HYDIN: variants seen among roughly 807,000 people sequenced by gnomAD.
HYDIN encodes axonemal central pair apparatus protein HYDIN.
In HYDIN, 132 loss-of-function variants were observed where a neutral mutation model predicts 403.9. The observed-to-expected ratio is 0.33, with a 90% CI of 0.28 to 0.38. The LOEUF (loss-of-function observed/expected upper bound fraction) is 0.38. HYDIN is among the 10% of genes least tolerant of loss of function. HYDIN has a pLI of 1.00. For missense variants in HYDIN, 2,827 were observed against 5,009.5 expected (o/e 0.56, Z 13.15); for synonymous variants, 1,202 against 1,891.7 (o/e 0.64, Z 9.46).
intron 20 of HYDIN, among the ~76,000 whole-genome samples, chr16:71,026,827 T>C (rs1287380439): frequency 1.3e-5 from 2 of 152,118 alleles, no homozygotes; most frequent in African/African-American, 2.4e-5. Context: ...GGAGACAAAG[T>C]TCTTTTTGCT....
chr16:70,818,325 C>T lies in HYDIN; in HGVS notation c.14658+17G>A, dbSNP rs769680675. The T allele has an allele frequency of 5.2e-5, 83 of 1,592,004 alleles. No homozygotes were observed. The highest frequency in any genetic ancestry group is 7.0e-5 in the Non-Finnish European group (81 of 1,164,174). On this transcript the variant is annotated intron_variant, in intron 84 of 85. Coordinates refer to ENST00000393567, the MANE Select transcript of HYDIN (RefSeq NM_001270974.2). ...CTCACAGCTCTCAGGGAGCCCCCGA[C>T]AGCCAAGGGGCCGTACCTCGGAGTT...
intron 84 of HYDIN, chr16:70,811,163 G>A (rs1214503183): frequency 1.3e-5 from 2 of 152,124 alleles, no homozygotes; most frequent in Admixed American, 6.5e-5. Flanking sequence ...GGGCTCAGTG[G>A]CTCACACCTG....
At chr16:70,883,101 G>A (rs1237499488) in intron 59 of HYDIN, among the ~76,000 whole-genome samples, 2 of 152,370 alleles carry the variant, frequency 1.3e-5, no homozygotes, top group South Asian at 2.1e-4. Flanking sequence ...ACTCCAGTGA[G>A]CATTTTTCTC....
At chr16:71,224,794 C>G (rs2040961095) in intron 1 of HYDIN, among the ~76,000 whole-genome samples, 1 of 151,916 alleles carries the variant, frequency 6.6e-6, no homozygotes, top group African/African-American at 2.4e-5. Flanking sequence ...ATCTCCTGAC[C>G]TCGTGATCCG....
chr16:71,084,831 C>T (rs1392497359), intron 12 of HYDIN, among the ~76,000 whole-genome samples: 2 of 149,746 alleles, frequency 1.3e-5, no homozygotes, highest in African/African-American at 5.0e-5. Context: ...TTGGTAAATG[C>T]TTTTTCTGTG....
At chr16:71,060,279 C>T (rs1197778574) in intron 18 of HYDIN, among the ~76,000 whole-genome samples, 2 of 152,120 alleles carry the variant, frequency 1.3e-5, no homozygotes, top group African/African-American at 4.8e-5. Context: ...ATAGACATCC[C>T]TTGAGCTAAG....
At chr16:70,913,202 T>C (rs577025249) in intron 47 of HYDIN, among the ~76,000 whole-genome samples, 1 of 151,964 alleles carries the variant, frequency 6.6e-6, no homozygotes, top group South Asian at 2.1e-4. Flanking sequence ...TTCTTGTTTC[T>C]CTAGTTCCTT....
At chr16:70,987,583 GA>G (rs1428155500) in intron 27 of HYDIN, among the ~76,000 whole-genome samples, 1 of 141,994 alleles carries the variant, frequency 7.0e-6, no homozygotes, top group African/African-American at 2.6e-5. Flanking sequence ...GTGGAGAGGT[GA>G]AGGAGAGAGT....
At chr16:70,923,829 A>G (rs1370853283) in intron 45 of HYDIN, among the ~76,000 whole-genome samples, 1 of 146,388 alleles carries the variant, frequency 6.8e-6, no homozygotes, top group Non-Finnish European at 1.5e-5. Context: ...TCAAAAAAAA[A>G]AAAAAAAAGA....
chr16:71,135,292 C>A (rs1396461278), intron 8 of HYDIN, among the ~76,000 whole-genome samples: 1 of 151,702 alleles, frequency 6.6e-6, no homozygotes, highest in African/African-American at 2.4e-5. Context: ...GTGTGAGTGT[C>A]AGGGGAGGTG....
At chr16:71,206,981 G>A (rs983932691) in intron 1 of HYDIN, among the ~76,000 whole-genome samples, 56 of 152,310 alleles carry the variant, frequency 3.7e-4, no homozygotes, top group Non-Finnish European at 3.1e-4. Flanking sequence ...TGGGAGAAAG[G>A]AAGCAACCTG....
intron 18 of HYDIN, among the ~76,000 whole-genome samples, chr16:71,044,050 G>T (rs2081375823): frequency 6.6e-6 from 1 of 151,858 alleles, no homozygotes; most frequent in African/African-American, 2.4e-5. Flanking sequence ...CTGTGTGCTT[G>T]GGTGCCAGCC....
chr16:71,030,791 A>G (rs1392761559), intron 19 of HYDIN, among the ~76,000 whole-genome samples: 1 of 152,144 alleles, frequency 6.6e-6, no homozygotes, highest in African/African-American at 2.4e-5. Context: ...ATACTGTACC[A>G]CAGCTTATTT....
chr16:70,936,827 C>T, intron 44 of HYDIN, among the ~76,000 whole-genome samples: 1 of 150,846 alleles, frequency 6.6e-6, no homozygotes, highest in Non-Finnish European at 1.5e-5. Context: ...CCACTGCGCC[C>T]AGCCAGAAAC....
rs1448712635 is a variant in HYDIN, at chr16:70,804,271, A to G, written c.*3309T>C. On this transcript the variant is annotated 3_prime_UTR_variant, in exon 86 of 86. Coordinates refer to ENST00000393567, the MANE Select transcript of HYDIN (RefSeq NM_001270974.2). ...CTAGGAGGATTTGGACCCTAGACTC[A>G]GTGGTGTTATAGGACCAACACGTTT... is the stretch of plus-strand genomic sequence containing the variant. Among the ~76,000 whole-genome samples the G allele has an allele frequency of 1.3e-5, 2 of 152,240 alleles. No homozygotes were observed. Among genetic ancestry groups the G allele is most frequent in the Non-Finnish European group, 2.9e-5 (2 of 68,048 alleles).
intron 43 of HYDIN, among the ~76,000 whole-genome samples, chr16:70,939,060 G>A (rs2077588574): frequency 6.6e-6 from 1 of 152,180 alleles, no homozygotes; most frequent in African/African-American, 2.4e-5. Context: ...CTTGAGGTGG[G>A]CAGATTATTT....
intron 41 of HYDIN, among the ~76,000 whole-genome samples, chr16:70,946,079 G>A (rs534768938): frequency 2.7e-5 from 4 of 148,770 alleles, no homozygotes; most frequent in African/African-American, 7.4e-5. Flanking sequence ...GGGGAAAGTG[G>A]GAGAGAGGGG....
Position 70,920,728 on chromosome 16 carries a change from C to T in HYDIN, c.7648G>A (p.Gly2550Arg), listed in dbSNP as rs533258521. 9.5e-6 allele frequency: 15 copies of T among 1,586,390 alleles called. No individual in the cohort carries two copies. The African/African-American group carries it at 1.7e-4, about 18-fold the overall frequency. Reference protein sequence around the residue: ...RALEERSDWEGEGEEDHEGKK... With the variant: ...RALEERSDWEREGEEDHEGKK... The stretch of plus-strand genomic sequence containing the variant: ...CCTTCGTGGTCCTCCTCCCCTTCCC[C>T]CTCCCAGTCGCTCCGCTCCTCCAGG... Residue 2550 changes from glycine to arginine, a missense_variant, in exon 46 of 86, where the codon GGG becomes AGG. Gly to Arg is a moderately radical substitution (Grantham distance 125). Coordinates refer to ENST00000393567, the MANE Select transcript of HYDIN (RefSeq NM_001270974.2).
intron 45 of HYDIN, among the ~76,000 whole-genome samples, chr16:70,934,448 G>A (rs1039047611): frequency 1.3e-5 from 2 of 152,190 alleles, no homozygotes; most frequent in African/African-American, 4.8e-5. Flanking sequence ...AAGACATAGA[G>A]CAGTCCTTTT....
Sources: gnomAD v4.1 joint callset for allele counts (sites outside exome capture counted in the v4.1 genomes callset) on GRCh38, gnomAD v4.1.1 for gene constraint, MANE v1.5 for transcripts, NCBI Gene and HGNC (gene_info 2026-07-23, HGNC 2026-07-21) for gene names.